The following RNF180 variants were observed in gnomAD, a reference collection of about 807,000 sequenced individuals.
RNF180 encodes E3 ubiquitin-protein ligase RNF180.
Under a neutral mutation model 59.2 loss-of-function variants are expected in RNF180, and 38 were observed. The observed-to-expected ratio is 0.64, with a 90% CI of 0.50 to 0.84. RNF180 has a LOEUF of 0.84. Among genes scored for constraint, RNF180 ranks in the 40% least tolerant of loss-of-function variants. RNF180 has a pLI of 0.00. For synonymous variants in RNF180, 262 were observed against 240.3 expected, an observed-to-expected ratio of 1.09 and a Z score of -0.84; for missense variants, 705 against 700.9, an observed-to-expected ratio of 1.01 and a Z score of -0.07.
At chr5:64,178,590 A>G (rs770428049) in intron 1 of RNF180, among the ~76,000 whole-genome samples, 27 of 152,192 alleles carry the variant, frequency 1.8e-4, no homozygotes, top group Non-Finnish European at 3.4e-4. Flanking sequence ...TCAGTTACTA[A>G]CATCCAAGAA....
chr5:64,175,245 G>A (rs1750171127), intron 1 of RNF180, among the ~76,000 whole-genome samples: 1 of 152,258 alleles, frequency 6.6e-6, no homozygotes, highest in South Asian at 2.1e-4. Context: ...GGGATTACAG[G>A]CATGAGCCAC....
chr5:64,194,157 C>T (rs1402455303), intron 1 of RNF180, among the ~76,000 whole-genome samples: 1 of 152,062 alleles, frequency 6.6e-6, no homozygotes, highest in Admixed American at 6.5e-5. Flanking sequence ...CTCCCTTTTC[C>T]CCCCACCCCA....
At chr5:64,231,276 A>G (rs1405679910) in intron 5 of RNF180, among the ~76,000 whole-genome samples, 1 of 152,216 alleles carries the variant, frequency 6.6e-6, no homozygotes, top group Non-Finnish European at 1.5e-5. Flanking sequence ...GCTAGGGTCC[A>G]TTTCAGTCCA....
rs1307641362 is a variant in RNF180, at chr5:64,212,149, C to G, written c.220C>G (p.Leu74Val). ...VEALPEWISC[L>V]IQKAQWTVGK... is the part of the protein sequence containing the mutation. Reference sequence around the variant, plus strand: ...AGCCCTTCCAGAATGGATAAGCTGCCTAATCCAAAAAGTAAGTTCTTAGTT... The same window carrying G: ...AGCCCTTCCAGAATGGATAAGCTGCGTAATCCAAAAAGTAAGTTCTTAGTT... Residue 74 changes from leucine (L) to valine (V), a missense_variant, in exon 3 of 8, where the codon CTA becomes GTA. By Grantham distance (32) the Leu-to-Val change is conservative (BLOSUM62 1). Transcript: ENST00000389100. The G allele has an allele frequency of 2.5e-6, 4 of 1,577,154 alleles. No individual in the cohort carries two copies. The East Asian group carries it at 9.0e-5, about 35-fold the overall frequency.
intron 2 of RNF180, among the ~76,000 whole-genome samples, chr5:64,201,858 G>A (rs1464343559): frequency 6.6e-6 from 1 of 152,122 alleles, no homozygotes; most frequent in East Asian, 1.9e-4. Flanking sequence ...TCCTGCCTCA[G>A]CCTCCCAAGT....
intron 7 of RNF180, among the ~76,000 whole-genome samples, chr5:64,349,995 T>C (rs763137221): frequency 1.3e-5 from 2 of 152,184 alleles, no homozygotes; most frequent in Admixed American, 1.3e-4. Flanking sequence ...CACCACATTG[T>C]CTTCCACAAT....
chr5:64,266,404 A>G (rs980058705), intron 5 of RNF180, among the ~76,000 whole-genome samples: 1 of 85,124 alleles, frequency 1.2e-5, no homozygotes, highest in Non-Finnish European at 2.8e-5. Flanking sequence ...TATAATAGTT[A>G]TAATATACAG....
chr5:64,253,669 C>T (rs1743735889), intron 5 of RNF180, among the ~76,000 whole-genome samples: 1 of 152,014 alleles, frequency 6.6e-6, no homozygotes, highest in Admixed American at 6.6e-5. Context: ...AAACTGAAAT[C>T]AGTAAGATGT....
intron 5 of RNF180, among the ~76,000 whole-genome samples, chr5:64,251,490 T>G (rs1743574863): frequency 6.6e-6 from 1 of 152,190 alleles, no homozygotes; most frequent in African/African-American, 2.4e-5. Flanking sequence ...GGTGCCATCA[T>G]TAGCTCACTG....
At chr5:64,340,177 T>C (rs1745303342) in intron 7 of RNF180, among the ~76,000 whole-genome samples, 1 of 152,160 alleles carries the variant, frequency 6.6e-6, no homozygotes, top group Non-Finnish European at 1.5e-5. Flanking sequence ...CACAAAGCAA[T>C]GTAGCAAAGA....
rs1020126296 is a variant in RNF180 at position 64,319,101 on chromosome 5, C to T, written c.1228-6085C>T. 6.0e-5 allele frequency among the ~76,000 whole-genome samples: 9 copies of T among 150,826 alleles called. No individual in the cohort carries two copies. The South Asian group carries it at 6.3e-4, about 11-fold the overall frequency. On this transcript the variant is annotated intron_variant, in intron 5 of 7. Coordinates refer to ENST00000389100, the MANE Select transcript of RNF180 (RefSeq NM_001113561.2). Reference sequence around the variant, plus strand: ...GCAAAACTCTGTGTGTGTGCATGTGCGTGTGTAGAGAAAGTATATGGAAAT... The same window carrying T: ...GCAAAACTCTGTGTGTGTGCATGTGTGTGTGTAGAGAAAGTATATGGAAAT...
chr5:64,362,828 C>G (rs1390344392), intron 7 of RNF180, among the ~76,000 whole-genome samples: 1 of 151,768 alleles, frequency 6.6e-6, no homozygotes, highest in African/African-American at 2.4e-5. Context: ...ATTTGCATTT[C>G]TCTAATGATC....
At chr5:64,227,654 G>C (rs2112182430) in intron 5 of RNF180, among the ~76,000 whole-genome samples, 1 of 152,310 alleles carries the variant, frequency 6.6e-6, no homozygotes, top group South Asian at 2.1e-4. Context: ...ACTAAGACTA[G>C]TTCTTCTGGA....
At chr5:64,214,542 T>C (rs1248765425) in intron 4 of RNF180, 25 bp downstream of exon 4, 4 of 1,589,914 alleles carry the variant, frequency 2.5e-6, no homozygotes, top group Non-Finnish European at 3.4e-6. Flanking sequence ...AAGAGTTTAC[T>C]AAAAATCTGT....
rs372412601 is a variant in RNF180, at chr5:64,369,807, C to T, written c.1772C>T (p.Pro591Leu). The T allele has an allele frequency of 1.4e-5, 21 of 1,491,554 alleles. No homozygotes were observed. The highest frequency in any genetic ancestry group is 4.0e-4 in the Middle Eastern group (2 of 5,026). The allele number at this position is 1,491,554 out of a possible 1,614,324, so 92.4% of individuals were successfully genotyped here. ...TGCTTTCTTTGCTATTTTTTCTTTC[C>T]GTTTTAGGAATTTCATACCTTACTA... is the stretch of plus-strand genomic sequence containing the variant. ...VFCFLCYFFF[P>L]F Residue 591 changes from proline (P) to leucine (L), a missense_variant, in exon 8 of 8, where the codon CCG becomes CTG. Pro to Leu is a moderately conservative substitution (Grantham distance 98). Coordinates refer to ENST00000389100, the MANE Select transcript of RNF180 (RefSeq NM_001113561.2).
intron 7 of RNF180, among the ~76,000 whole-genome samples, chr5:64,361,714 CA>C (rs1259534710): frequency 5.9e-5 from 9 of 151,426 alleles, no homozygotes; most frequent in Non-Finnish European, 1.0e-4. Context: ...CAGCTTATCA[CA>C]AAGAATAAGT....
intron 1 of RNF180, among the ~76,000 whole-genome samples, chr5:64,183,467 T>TTTG (rs1392234312): frequency 2.1e-5 from 3 of 145,224 alleles, no homozygotes; most frequent in African/African-American, 5.2e-5. Flanking sequence ...TTTTTTTTTT[T>TTTG]GACTCAGTCT....
At chr5:64,306,933 C>T (rs559746351) in intron 5 of RNF180, among the ~76,000 whole-genome samples, 5 of 150,610 alleles carry the variant, frequency 3.3e-5, no homozygotes, top group Non-Finnish European at 7.4e-5. Context: ...AGGTAACAAA[C>T]CTGCATGTTG....
chr5:64,238,357 G>A (rs115339272), intron 5 of RNF180, among the ~76,000 whole-genome samples: 9 of 152,102 alleles, frequency 5.9e-5, no homozygotes, highest in Non-Finnish European at 1.2e-4. Context: ...AGAAATACTC[G>A]AGTGGGATCA....
Sources: allele counts gnomAD v4.1 joint callset (sites outside exome capture counted in the v4.1 genomes callset), GRCh38; gene constraint gnomAD v4.1.1; transcripts MANE v1.5; gene names NCBI Gene and HGNC (gene_info 2026-07-23, HGNC 2026-07-21).